SNX20: variants seen among roughly 807,000 people sequenced by gnomAD.
SNX20 encodes sorting nexin-20.
Under a neutral mutation model 24.5 loss-of-function variants are expected in SNX20, and 21 were observed. That is an observed-to-expected ratio of 0.86 (90% CI 0.61 to 1.23). The LOEUF is 1.23. Ranked by LOEUF, SNX20 falls within the 50% of genes most tolerant of loss-of-function variation. The probability of loss-of-function intolerance (pLI) is 0.00; values close to 1 mark genes in which losing one functional copy is unlikely to be tolerated. For missense variants in SNX20, 433 were observed against 430.8 expected, an observed-to-expected ratio of 1.00 and a Z score of -0.04; for synonymous variants, 206 against 192.8, an observed-to-expected ratio of 1.07 and a Z score of -0.57.
At chr16:50,674,113 CG>C (rs1567369744) in intron 3 of SNX20, 39 bp from the exon 4 acceptor site, 2 of 1,544,874 alleles carry the variant, frequency 1.3e-6, no homozygotes, top group Non-Finnish European at 1.7e-6. Flanking sequence ...CACCTCCCGG[CG>C]GGGGCTGCGG....
chr16:50,678,621 T>G (rs1963233908), intron 1 of SNX20, among the ~76,000 whole-genome samples: 1 of 152,190 alleles, frequency 6.6e-6, no homozygotes, highest in African/African-American at 2.4e-5. Flanking sequence ...TGGTGAGTGG[T>G]GGGCAGGATA....
At position 50,672,329 on chromosome 16, in the gene SNX20, T is replaced by C. The variant is rs568320235; in HGVS notation, c.*1077A>G. 6.6e-6 allele frequency: 1 copy of C among 152,354 alleles called. No homozygotes were observed. The highest frequency in any genetic ancestry group is 2.4e-5 in the African/African-American group (1 of 41,578). 9.4% of individuals were successfully genotyped at this position (152,354 alleles called of 1,614,324 possible). A position where few individuals can be genotyped will look rare whatever the true frequency, so the allele number is the denominator to read the frequency against. Reference sequence around the variant, plus strand: ...GGAAGCCATTCAGGGAACAGCTGCCTTATGAATGAAAATCCACCCCTAGAC... The same window carrying C: ...GGAAGCCATTCAGGGAACAGCTGCCCTATGAATGAAAATCCACCCCTAGAC... On this transcript the variant is annotated 3_prime_UTR_variant, in exon 4 of 4. Transcript: ENST00000330943.
At chr16:50,674,691 A>C (rs1187248865) in intron 3 of SNX20, among the ~76,000 whole-genome samples, 2 of 152,188 alleles carry the variant, frequency 1.3e-5, no homozygotes, top group Non-Finnish European at 2.9e-5. Flanking sequence ...ACTTGCTAAA[A>C]CTGGGCCTCT....
At chr16:50,668,598 G>A (rs1962969177), downstream of SNX20, 1 of 1,016,886 alleles carries the variant, frequency 9.8e-7, no homozygotes, top group African/African-American at 1.7e-5. Flanking sequence ...AGAACAGGCT[G>A]TGGCATTGTT....
At chr16:50,668,222 A>T (rs139420501), downstream of SNX20, 185 of 1,470,496 alleles carry the variant, frequency 1.3e-4, 1 homozygote, top group East Asian at 4.0e-3. Flanking sequence ...ACACGGGATG[A>T]TCAGCGCTAC....
At chr16:50,677,786 T>A (rs1008179928) in intron 1 of SNX20, among the ~76,000 whole-genome samples, 13 of 152,216 alleles carry the variant, frequency 8.5e-5, no homozygotes, top group Non-Finnish European at 1.8e-4. Flanking sequence ...ATTGAGGTGA[T>A]CCTTACGTAT....
At chr16:50,667,885 G>T (rs1180513825), downstream of SNX20, 3 of 927,740 alleles carry the variant, frequency 3.2e-6, no homozygotes, top group African/African-American at 4.9e-5. Context: ...ACTTTTGGAG[G>T]GGAGGGCATT....
chr16:50,678,826 G>A (rs965689942), intron 1 of SNX20, among the ~76,000 whole-genome samples: 6 of 152,194 alleles, frequency 3.9e-5, no homozygotes, highest in African/African-American at 1.2e-4. Flanking sequence ...CAGAACCCAC[G>A]TTCACAAGGC....
intron 2 of SNX20, among the ~76,000 whole-genome samples, 163 bp downstream of exon 2, chr16:50,677,234 A>G (rs1255360941): frequency 6.6e-6 from 1 of 152,014 alleles, no homozygotes; most frequent in East Asian, 1.9e-4. Flanking sequence ...CGTCTCCCGG[A>G]TAAACAGCTT....
chr16:50,673,199 G>T lies in SNX20; in HGVS notation c.*207C>A. ...ACCTGTAATCCCAGCTACTTGGGAG[G>T]CTGAGGTGGGAGGATTGCTTGTGCC... is the stretch of plus-strand genomic sequence containing the variant. On this transcript the variant is annotated 3_prime_UTR_variant, in exon 4 of 4. Transcript: ENST00000330943. This position sits in a 1 kb window ranked among gnomAD's most constrained non-coding sequence, Gnocchi z 4.1. 1 of 826,178 alleles carries T rather than the reference G, an allele frequency of 1.2e-6. No homozygotes were observed. Among genetic ancestry groups the T allele is most frequent in the Non-Finnish European group, 1.6e-6 (1 of 614,144 alleles). The allele number at this position is 826,178 out of a possible 1,614,324, so 51.2% of individuals were successfully genotyped here. A position where few individuals can be genotyped will look rare whatever the true frequency, so the allele number is the denominator to read the frequency against.
downstream of SNX20, chr16:50,669,741 T>C (rs1053284159): frequency 1.3e-5 from 2 of 152,328 alleles, no homozygotes; most frequent in African/African-American, 4.8e-5. Flanking sequence ...TGTGTAACCC[T>C]GGGCAAGTCA....
chr16:50,668,871 G>C, downstream of SNX20: 3 of 1,401,000 alleles, frequency 2.1e-6, no homozygotes, highest in Non-Finnish European at 2.8e-6. Flanking sequence ...CTAGGCCAAG[G>C]GGTCACAGTC....
downstream of SNX20, chr16:50,667,911 T>C (rs1203757864): frequency 3.4e-6 from 4 of 1,166,992 alleles, no homozygotes; most frequent in Admixed American, 4.1e-5. Flanking sequence ...GATCTTACCA[T>C]GGGGGCAACA....
chr16:50,676,592 C>T (rs1453173088), intron 2 of SNX20, among the ~76,000 whole-genome samples: 1 of 152,204 alleles, frequency 6.6e-6, no homozygotes, highest in Non-Finnish European at 1.5e-5. Context: ...GGGTCCCAGC[C>T]CTTTTCCAGT....
At chr16:50,670,822 G>A (rs1178083376), downstream of SNX20, 3 of 140,926 alleles carry the variant, frequency 2.1e-5, no homozygotes, top group East Asian at 1.9e-4. Flanking sequence ...AGAAACTCCC[G>A]TGGATGCTCA....
chr16:50,677,383 A>T lies in SNX20; in HGVS notation c.130+14T>A. ...GACCTCTCCCCCAGACCGAGTCTCAAGCCTCAAGCCCACCTAAGTGCCCGT... is the reference window on the plus strand; with the variant it reads ...GACCTCTCCCCCAGACCGAGTCTCATGCCTCAAGCCCACCTAAGTGCCCGT... On this transcript the variant is annotated intron_variant, in intron 2 of 3. Coordinates refer to ENST00000330943, the MANE Select transcript of SNX20 (RefSeq NM_182854.4). 6.4e-7 allele frequency: 1 copy of T among 1,567,066 alleles called. No individual in the cohort carries two copies. Among genetic ancestry groups the T allele is most frequent in the Non-Finnish European group, 8.7e-7 (1 of 1,154,656 alleles).
In SNX20 at chr16:50,673,682, G is replaced by C; in HGVS notation, c.675C>G (p.Ala225=). 1 of 1,493,028 alleles carries C rather than the reference G, an allele frequency of 6.7e-7. No homozygotes were observed. The highest frequency in any genetic ancestry group is 8.8e-7 in the Non-Finnish European group (1 of 1,130,228). The allele number at this position is 1,493,028 out of a possible 1,614,324, so 92.5% of individuals were successfully genotyped here. A position where few individuals can be genotyped will look rare whatever the true frequency, so the allele number is the denominator to read the frequency against. Residue 225 remains alanine (A), a synonymous_variant, in exon 4 of 4, where the codon GCC becomes GCG. Coordinates refer to ENST00000330943, the MANE Select transcript of SNX20 (RefSeq NM_182854.4). The surrounding 1 kb of genome is among the most constrained non-coding windows in gnomAD (Gnocchi z 4.1). ...GCACGGCGCACAGGGCCGGGACGGC[G>C]GCCGCAGGGCAGTGGGCGGTGAGCT... is the stretch of plus-strand genomic sequence containing the variant. ...QEKLTAHCPA[A]AVPALCAVLL...
At chr16:50,677,163 TCCTGC>T (rs1963200070) in intron 2 of SNX20, among the ~76,000 whole-genome samples, 1 of 152,204 alleles carries the variant, frequency 6.6e-6, no homozygotes, top group African/African-American at 2.4e-5. Context: ...TTCACTGATG[TCCTGC>T]CCTGGCCTCT....
chr16:50,677,224 C>T (rs936169819), intron 2 of SNX20, among the ~76,000 whole-genome samples, 173 bp downstream of exon 2: 3 of 152,194 alleles, frequency 2.0e-5, no homozygotes, highest in East Asian at 1.9e-4. Flanking sequence ...CTCCTAGGAC[C>T]GTCTCCCGGA....
Sources: allele counts gnomAD v4.1 joint callset (sites outside exome capture counted in the v4.1 genomes callset), GRCh38; gene constraint gnomAD v4.1.1; non-coding constraint Gnocchi (gnomAD v3.1); transcripts MANE v1.5; gene names NCBI Gene and HGNC (gene_info 2026-07-23, HGNC 2026-07-21).